Variants in EFL1 observed in about 807,000 individuals in gnomAD.
The protein encoded by EFL1 is elongation factor-like GTPase 1.
Under a neutral mutation model 126.7 loss-of-function variants are expected in EFL1, and 76 were observed. The ratio of observed to expected loss-of-function variants is 0.60; its 90% CI spans 0.50 to 0.73. The LOEUF (loss-of-function observed/expected upper bound fraction) is 0.73. Ranked by LOEUF, EFL1 falls within the 30% of genes least tolerant of loss-of-function variation. EFL1 has a pLI of 0.00. For synonymous variants in EFL1, 410 were observed against 448.4 expected, an observed-to-expected ratio of 0.91 and a Z score of 1.08; for missense variants, 1,128 against 1,343.2, an observed-to-expected ratio of 0.84 and a Z score of 2.50.
intron 15 of EFL1, among the ~76,000 whole-genome samples, chr15:82,166,008 T>C (rs1676029055): frequency 6.6e-6 from 1 of 152,200 alleles, no homozygotes; most frequent in South Asian, 2.1e-4. Context: ...CTCCCATTGG[T>C]ACTATGATGT....
At chr15:82,201,547 CG>C (rs954671843) in intron 15 of EFL1, among the ~76,000 whole-genome samples, 43 of 152,018 alleles carry the variant, frequency 2.8e-4, no homozygotes, top group African/African-American at 1.0e-3. Context: ...TCCTTGTAAA[CG>C]ATATCTTAAA....
chr15:82,139,287 G>A (rs567351887), intron 18 of EFL1, among the ~76,000 whole-genome samples: 52 of 152,324 alleles, frequency 3.4e-4, no homozygotes, highest in African/African-American at 1.2e-3. Flanking sequence ...TAGTAGGCAA[G>A]CAACTGGCAT....
intron 15 of EFL1, among the ~76,000 whole-genome samples, chr15:82,196,170 G>T (rs1435064276): frequency 6.6e-6 from 1 of 152,202 alleles, no homozygotes; most frequent in Non-Finnish European, 1.5e-5. Flanking sequence ...AAACTGAGCA[G>T]AACTGACGAA....
intron 15 of EFL1, among the ~76,000 whole-genome samples, chr15:82,194,380 T>G (rs1022291862): frequency 1.3e-5 from 2 of 152,240 alleles, no homozygotes; most frequent in Non-Finnish European, 2.9e-5. Flanking sequence ...AAAGAACTTG[T>G]AATGTCTAAG....
At position 82,200,753 on chromosome 15, in the gene EFL1, T is replaced by G. The variant is rs192942139; in HGVS notation, c.1750+13964A>C. Among the ~76,000 whole-genome samples, 17 of 152,366 alleles carry G rather than the reference T, an allele frequency of 1.1e-4. 1 individual carries two copies. In the East Asian group the frequency reaches 3.3e-3, roughly 29 times the overall value. ...ACATTAAAACATCACTACTCTGATA[T>G]TCTTTAATAAGAAATGTTCAGACCA... On this transcript the variant is annotated intron_variant, in intron 15 of 19. Transcript: ENST00000268206.
At chr15:82,239,272 G>A (rs2074905915) in intron 6 of EFL1, among the ~76,000 whole-genome samples, 1 of 152,080 alleles carries the variant, frequency 6.6e-6, no homozygotes, top group African/African-American at 2.4e-5. Flanking sequence ...TAGTAGCTGG[G>A]ACTACAGGGG....
At chr15:82,200,287 A>T (rs1172640878) in intron 15 of EFL1, among the ~76,000 whole-genome samples, 1 of 152,140 alleles carries the variant, frequency 6.6e-6, no homozygotes, top group Non-Finnish European at 1.5e-5. Context: ...AAATAAGAGA[A>T]TTTTTTTAAA....
chr15:82,163,761 C>T (rs2074047541), intron 16 of EFL1, 92 bp downstream of exon 16: 1 of 1,444,540 alleles, frequency 6.9e-7, no homozygotes, highest in Non-Finnish European at 9.3e-7. Flanking sequence ...TTATATACTG[C>T]TGAAACAAGT....
chr15:82,209,352 C>G (rs2074560707), intron 15 of EFL1, among the ~76,000 whole-genome samples: 1 of 147,448 alleles, frequency 6.8e-6, no homozygotes, highest in East Asian at 2.0e-4. Context: ...CACACACACA[C>G]AGATTATCAA....
At chr15:82,237,800 T>G (rs1340251205) in intron 7 of EFL1, among the ~76,000 whole-genome samples, 1 of 149,210 alleles carries the variant, frequency 6.7e-6, no homozygotes, top group Non-Finnish European at 1.5e-5. Context: ...CTGGGGTACA[T>G]CCACACCATG....
At chr15:82,237,512 A>C (rs1219508024) in intron 7 of EFL1, among the ~76,000 whole-genome samples, 3 of 152,242 alleles carry the variant, frequency 2.0e-5, no homozygotes, top group African/African-American at 7.2e-5. Flanking sequence ...ACAACACCAA[A>C]CGTGAACATT....
At chr15:82,235,863 G>GA (rs2074867511) in intron 7 of EFL1, among the ~76,000 whole-genome samples, 1 of 152,024 alleles carries the variant, frequency 6.6e-6, no homozygotes, top group Non-Finnish European at 1.5e-5. Flanking sequence ...CAGCAAAAGA[G>GA]AAAACAGCAT....
intron 16 of EFL1, among the ~76,000 whole-genome samples, chr15:82,159,549 T>G (rs1263867404): frequency 1.3e-5 from 2 of 152,030 alleles, no homozygotes; most frequent in Non-Finnish European, 2.9e-5. Flanking sequence ...ATGTTGCCGC[T>G]GACAGCTATT....
chr15:82,241,230 C>A (rs2074927570), intron 5 of EFL1, 40 bp downstream of exon 5: 1 of 1,610,704 alleles, frequency 6.2e-7, no homozygotes, highest in African/African-American at 1.3e-5. Context: ...TCTTTCCTCA[C>A]CCTTAACCAT....
intron 19 of EFL1, among the ~76,000 whole-genome samples, chr15:82,132,745 C>A (rs915246931): frequency 7.5e-6 from 1 of 132,632 alleles, no homozygotes; most frequent in African/African-American, 2.6e-5. Context: ...AGACGAGAAA[C>A]GGCAGTTAAG....
intron 17 of EFL1, among the ~76,000 whole-genome samples, chr15:82,152,758 A>G: frequency 6.6e-6 from 1 of 152,202 alleles, no homozygotes; most frequent in East Asian, 1.9e-4. Context: ...TGAAATATGA[A>G]TGCTTTAAAA....
intron 15 of EFL1, among the ~76,000 whole-genome samples, chr15:82,164,638 C>T (rs951206170): frequency 2.0e-5 from 3 of 152,180 alleles, no homozygotes; most frequent in Non-Finnish European, 4.4e-5. Flanking sequence ...TGGCTCACGC[C>T]TGCAATCTCA....
At chr15:82,228,755 G>T (rs1316640985) in intron 9 of EFL1, among the ~76,000 whole-genome samples, 1 of 152,002 alleles carries the variant, frequency 6.6e-6, no homozygotes, top group African/African-American at 2.4e-5. Context: ...TTTAAAAGTG[G>T]GTTTGCATAA....
At chr15:82,216,638 T>C (rs1233996538) in intron 14 of EFL1, among the ~76,000 whole-genome samples, 1 of 152,178 alleles carries the variant, frequency 6.6e-6, no homozygotes, top group East Asian at 1.9e-4. Flanking sequence ...TTGGAACAGC[T>C]GGACATTTAA....
Sources: allele counts gnomAD v4.1 joint callset (sites outside exome capture counted in the v4.1 genomes callset), GRCh38; gene constraint gnomAD v4.1.1; transcripts MANE v1.5; gene names NCBI Gene and HGNC (gene_info 2026-07-23, HGNC 2026-07-21).